The following PTPRO variants were observed in gnomAD, a reference collection of about 807,000 sequenced individuals.
PTPRO encodes protein tyrosine phosphatase receptor type O.
In PTPRO, 62 loss-of-function variants were observed where a neutral mutation model predicts 145.2. The observed-to-expected ratio is 0.43, with a 90% confidence interval of 0.35 to 0.53. The LOEUF is 0.53. PTPRO is among the 20% of genes least tolerant of loss of function. The probability of loss-of-function intolerance (pLI) is 0.01; values close to 1 mark genes in which losing one functional copy is unlikely to be tolerated. For missense variants in PTPRO, 1,345 were observed against 1,482.7 expected (o/e 0.91, Z 1.53); for synonymous variants, 565 against 514.7 (o/e 1.10, Z -1.32).
chr12:15,359,314 T>C (rs963422522), intron 1 of PTPRO, among the ~76,000 whole-genome samples: 74 of 152,274 alleles, frequency 4.9e-4, no homozygotes, highest in South Asian at 4.1e-4. Context: ...CATTGTTTTA[T>C]ACCTTTCATT....
At chr12:15,370,868 A>C (rs1938506320) in intron 1 of PTPRO, among the ~76,000 whole-genome samples, 1 of 152,218 alleles carries the variant, frequency 6.6e-6, no homozygotes, top group African/African-American at 2.4e-5. Context: ...ACTACTTAGG[A>C]TATCAAAAGA....
chr12:15,341,555 T>G (rs575060711), intron 1 of PTPRO, among the ~76,000 whole-genome samples: 47 of 152,336 alleles, frequency 3.1e-4, no homozygotes, highest in Non-Finnish European at 6.2e-4. Context: ...GCATTTCATA[T>G]TTAGCTCTCA....
chr12:15,595,063 T>C lies in PTPRO; in HGVS notation c.*16+6T>C, dbSNP rs762249864. 5.7e-6 allele frequency: 9 copies of C among 1,567,470 alleles called. No individual in the cohort carries two copies. The highest frequency in any genetic ancestry group is 7.0e-6 in the Non-Finnish European group (8 of 1,138,232). ...CTAGTTCAGAATCCGGAGCAGTAAG[T>C]GGAGAAGAGCTCTCCACGAGTGCTC... On this transcript the variant is annotated splice_donor_region_variant and intron_variant, in intron 26 of 26. Coordinates refer to ENST00000281171, the MANE Select transcript of PTPRO (RefSeq NM_030667.3).
At chr12:15,486,764 C>G (rs1941896692) in intron 2 of PTPRO, among the ~76,000 whole-genome samples, 1 of 151,516 alleles carries the variant, frequency 6.6e-6, no homozygotes, top group African/African-American at 2.4e-5. Flanking sequence ...CGCTCAATAG[C>G]CATATGTAGC....
chr12:15,456,369 G>A (rs1591827419), intron 1 of PTPRO, among the ~76,000 whole-genome samples: 1 of 152,148 alleles, frequency 6.6e-6, no homozygotes, highest in East Asian at 1.9e-4. Flanking sequence ...GTATTTGGTT[G>A]GCTAGTATTT....
chr12:15,385,756 G>GTA (rs1939003839), intron 1 of PTPRO, among the ~76,000 whole-genome samples: 1 of 140,622 alleles, frequency 7.1e-6, no homozygotes, highest in Non-Finnish European at 1.5e-5. Flanking sequence ...AGGTTGCAGT[G>GTA]AGCAGAGATC....
chr12:15,469,007 G>T (rs552591247), intron 1 of PTPRO, among the ~76,000 whole-genome samples: 1 of 152,282 alleles, frequency 6.6e-6, no homozygotes, highest in African/African-American at 2.4e-5. Context: ...GCTTACAAAA[G>T]GTCACAATAT....
chr12:15,392,784 A>G (rs1234452638), intron 1 of PTPRO, among the ~76,000 whole-genome samples: 1 of 151,378 alleles, frequency 6.6e-6, no homozygotes, highest in East Asian at 1.9e-4. Context: ...ACCTGCATAG[A>G]TATCTCCCTA....
chr12:15,382,619 T>C (rs1320237781), intron 1 of PTPRO, among the ~76,000 whole-genome samples: 2 of 152,208 alleles, frequency 1.3e-5, no homozygotes, highest in Non-Finnish European at 2.9e-5. Flanking sequence ...AATTATCTGA[T>C]TCACTCTCCT....
intron 1 of PTPRO, among the ~76,000 whole-genome samples, chr12:15,352,772 G>T (rs1318694450): frequency 6.6e-6 from 1 of 152,058 alleles, no homozygotes. Context: ...AAAATTAGGA[G>T]AATGTGATTC....
intron 12 of PTPRO, among the ~76,000 whole-genome samples, chr12:15,528,641 A>G (rs759095317): frequency 2.0e-5 from 3 of 152,146 alleles, no homozygotes; most frequent in Non-Finnish European, 4.4e-5. Context: ...ACATTCCAAA[A>G]CTTGAGACAG....
At chr12:15,545,849 C>T (rs369000131) in intron 12 of PTPRO, among the ~76,000 whole-genome samples, 2 of 151,946 alleles carry the variant, frequency 1.3e-5, no homozygotes, top group South Asian at 4.2e-4. Flanking sequence ...ACTTGAGCAA[C>T]ATGGCAAAAC....
At chr12:15,563,755 C>A (rs924029970) in intron 17 of PTPRO, among the ~76,000 whole-genome samples, 2 of 152,092 alleles carry the variant, frequency 1.3e-5, no homozygotes, top group Admixed American at 6.6e-5. Context: ...TTCAGTGTTA[C>A]CCTCTTACAT....
At chr12:15,462,994 T>C (rs927524487) in intron 1 of PTPRO, among the ~76,000 whole-genome samples, 26 of 152,294 alleles carry the variant, frequency 1.7e-4, no homozygotes, top group African/African-American at 6.3e-4. Context: ...ACTATATATA[T>C]AACTCATCAT....
chr12:15,393,001 A>C (rs968869488), intron 1 of PTPRO, among the ~76,000 whole-genome samples: 1 of 152,180 alleles, frequency 6.6e-6, no homozygotes, highest in Non-Finnish European at 1.5e-5. Flanking sequence ...GTATCTTTCT[A>C]TGATTTTGTT....
rs920603127 is a variant in PTPRO at position 15,322,913 on chromosome 12, C to G, written c.75+112C>G. On this transcript the variant is annotated intron_variant, in intron 1 of 26. Transcript: ENST00000281171. This position sits in a 1 kb window ranked among gnomAD's most constrained non-coding sequence, Gnocchi z 6.3. Reference sequence around the variant, plus strand: ...GCCCCAGGGCACGATGGCCCAGCCGCGGGAAGCGCCTGCCGTGCAGCCTGG... The same window carrying G: ...GCCCCAGGGCACGATGGCCCAGCCGGGGGAAGCGCCTGCCGTGCAGCCTGG... 4.8e-6 allele frequency: 5 copies of G among 1,041,918 alleles called. No individual in the cohort carries two copies. In the Admixed American group the frequency reaches 9.9e-5, roughly 21 times the overall value. 64.5% of individuals were successfully genotyped at this position (1,041,918 alleles called of 1,614,324 possible).
intron 1 of PTPRO, among the ~76,000 whole-genome samples, chr12:15,464,626 T>C (rs1941377900): frequency 6.6e-6 from 1 of 151,980 alleles, no homozygotes; most frequent in Admixed American, 6.6e-5. Flanking sequence ...CCCAAAGTGC[T>C]GGGATTACAG....
intron 19 of PTPRO, among the ~76,000 whole-genome samples, chr12:15,578,193 T>G (rs1418237506): frequency 6.6e-6 from 1 of 152,186 alleles, no homozygotes; most frequent in East Asian, 1.9e-4. Context: ...TTTTTACTAC[T>G]TTCTCTAAGG....
intron 1 of PTPRO, among the ~76,000 whole-genome samples, chr12:15,437,178 C>T (rs1043779172): frequency 2.5e-4 from 38 of 151,854 alleles, no homozygotes; most frequent in African/African-American, 7.0e-4. Flanking sequence ...GCTCATTCAC[C>T]TGGTTCAGCA....
Sources: gnomAD v4.1 joint callset for allele counts (sites outside exome capture counted in the v4.1 genomes callset) on GRCh38, gnomAD v4.1.1 for gene constraint, Gnocchi (gnomAD v3.1) non-coding constraint, MANE v1.5 for transcripts, NCBI Gene and HGNC (gene_info 2026-07-23, HGNC 2026-07-21) for gene names.